PDE8A: variants seen among roughly 807,000 people sequenced by gnomAD.
The protein encoded by PDE8A is phosphodiesterase 8A.
Under a neutral mutation model 105.0 loss-of-function variants are expected in PDE8A, and 59 were observed. The observed-to-expected ratio is 0.56, with a 90% confidence interval of 0.46 to 0.70. The LOEUF (loss-of-function observed/expected upper bound fraction) is 0.70. PDE8A is among the 30% of genes least tolerant of loss of function. The pLI, the probability that PDE8A is intolerant of heterozygous loss-of-function variation, is 0.00. For synonymous variants in PDE8A, 355 were observed against 371.9 expected (o/e 0.95, Z 0.52); for missense variants, 1,014 against 1,045.9 (o/e 0.97, Z 0.42).
chr15:85,005,839 A>C (rs1023259771), intron 1 of PDE8A, among the ~76,000 whole-genome samples: 1 of 152,188 alleles, frequency 6.6e-6, no homozygotes, highest in African/African-American at 2.4e-5. Context: ...AGTTTAAAAA[A>C]AAAAGGAAAT....
intron 1 of PDE8A, among the ~76,000 whole-genome samples, chr15:85,030,299 G>GC (rs1348056883): frequency 6.6e-6 from 1 of 151,720 alleles, no homozygotes; most frequent in Non-Finnish European, 1.5e-5. Context: ...GTTGTGTCTT[G>GC]CCCCCGTAGC....
chr15:85,068,497 A>G (rs912356231), intron 3 of PDE8A, among the ~76,000 whole-genome samples: 2 of 152,074 alleles, frequency 1.3e-5, no homozygotes, highest in African/African-American at 4.8e-5. Flanking sequence ...TCTCTGGGTA[A>G]CTCTGCCTTC....
In PDE8A at chr15:85,083,484, AAG is replaced by A. The variant is rs1461478957; in HGVS notation, c.547-69_547-68del. On this transcript the variant is annotated intron_variant, in intron 5 of 21. Coordinates refer to ENST00000394553, the MANE Select transcript of PDE8A (RefSeq NM_002605.3). ...GTTGCCAAGTTGAGAAGTTTGTTTA[AAG>A]AGTTATTTTTATTGGCACAAATAAA... The A allele has an allele frequency of 1.2e-5, 10 of 869,262 alleles. No individual in the cohort carries two copies. In the African/African-American group the frequency reaches 1.7e-4, roughly 15 times the overall value. 53.8% of individuals were successfully genotyped at this position (869,262 alleles called of 1,614,324 possible).
intron 1 of PDE8A, among the ~76,000 whole-genome samples, chr15:85,055,547 C>T (rs2081046595): frequency 6.6e-6 from 1 of 152,136 alleles, no homozygotes; most frequent in Admixed American, 6.6e-5. Flanking sequence ...TTGAATTGAT[C>T]CCTTTACCAT....
Position 85,052,471 on chromosome 15 carries a change from C to A in PDE8A, c.187-11899C>A, listed in dbSNP as rs537038877. 7.2e-5 allele frequency among the ~76,000 whole-genome samples: 11 copies of A among 152,310 alleles called. No homozygotes were observed. The East Asian group carries it at 1.7e-3, about 24-fold the overall frequency. ...AAAAGTGTTCCTATTTCTCCACATC[C>A]TCTCCAGCGCCTGTTGTTTCCTGAC... On this transcript the variant is annotated intron_variant, in intron 1 of 21. Transcript: ENST00000394553.
At chr15:85,114,153 C>T in intron 14 of PDE8A, 116 bp downstream of exon 14, 1 of 859,356 alleles carries the variant, frequency 1.2e-6, no homozygotes, top group Middle Eastern at 2.6e-4. Context: ...AGGGTTCAGT[C>T]AAGACCTAAA....
chr15:85,020,669 C>G (rs1218568752), intron 1 of PDE8A, among the ~76,000 whole-genome samples: 1 of 151,800 alleles, frequency 6.6e-6, no homozygotes, highest in Non-Finnish European at 1.5e-5. Context: ...GAAAATTTAC[C>G]AAAAAAAGTA....
intron 1 of PDE8A, among the ~76,000 whole-genome samples, chr15:85,010,750 T>C (rs2080226238): frequency 6.6e-6 from 1 of 152,226 alleles, no homozygotes; most frequent in African/African-American, 2.4e-5. Flanking sequence ...TTGGAGCCCC[T>C]GTGAGGTTGC....
chr15:85,005,197 C>T (rs1162658644), intron 1 of PDE8A, among the ~76,000 whole-genome samples: 1 of 152,154 alleles, frequency 6.6e-6, no homozygotes, highest in Non-Finnish European at 1.5e-5. Flanking sequence ...ATGATCACAG[C>T]TTGAGCTCCT....
chr15:84,998,329 C>T (rs1055364186), intron 1 of PDE8A, among the ~76,000 whole-genome samples: 1 of 152,184 alleles, frequency 6.6e-6, no homozygotes, highest in Non-Finnish European at 1.5e-5. Flanking sequence ...CCAGTTACTT[C>T]ACTCCCTTTG....
At chr15:85,091,313 T>C (rs978973584) in intron 8 of PDE8A, 132 bp downstream of exon 8, 8 of 716,212 alleles carry the variant, frequency 1.1e-5, no homozygotes, top group African/African-American at 3.5e-5. Context: ...GGGAATGTTA[T>C]CCCTGTTATA....
chr15:84,982,428 G>C (rs1596403167), intron 1 of PDE8A, 80 bp downstream of exon 1: 1 of 932,964 alleles, frequency 1.1e-6, no homozygotes, highest in Non-Finnish European at 1.4e-6. Flanking sequence ...GGGCCGGGCG[G>C]GGTCCCCCCC....
intron 3 of PDE8A, among the ~76,000 whole-genome samples, chr15:85,069,123 G>A (rs370708160): frequency 2.0e-5 from 3 of 152,144 alleles, no homozygotes; most frequent in Admixed American, 6.5e-5. Context: ...GTAATGTTAC[G>A]TGCTCAGTTA....
chr15:85,103,670 C>T (rs954795538), intron 11 of PDE8A, among the ~76,000 whole-genome samples: 1 of 152,212 alleles, frequency 6.6e-6, no homozygotes, highest in African/African-American at 2.4e-5. Context: ...GAAGCAAGAA[C>T]CTGGGGAAGC....
In PDE8A at chr15:85,037,383, A is replaced by T. The variant is rs115632512; in HGVS notation, c.187-26987A>T. Among the ~76,000 whole-genome samples the T allele has an allele frequency of 2.6e-3, 389 of 152,222 alleles. 3 individuals carry two copies. Among genetic ancestry groups the T allele is most frequent in the African/African-American group, 9.2e-3 (382 of 41,532 alleles). On this transcript the variant is annotated intron_variant, in intron 1 of 21. Coordinates refer to ENST00000394553, the MANE Select transcript of PDE8A (RefSeq NM_002605.3). ...CCCAGCCTGATCACTTTCTTTTTGC[A>T]AATGTAACCATCCAGATTAAAAAAG...
chr15:85,064,318 G>A (rs1596482849), intron 1 of PDE8A, 52 bp from the exon 2 acceptor site: 2 of 1,360,026 alleles, frequency 1.5e-6, no homozygotes, highest in East Asian at 2.3e-5. Context: ...AAAAAGTTAA[G>A]CTTCTCTTTC....
chr15:84,991,243 G>T (rs1596411260), intron 1 of PDE8A, among the ~76,000 whole-genome samples: 1 of 152,260 alleles, frequency 6.6e-6, no homozygotes, highest in South Asian at 2.1e-4. Flanking sequence ...CATTTGCAAT[G>T]CATAGTACCA....
At chr15:85,011,903 T>C (rs1285953215) in intron 1 of PDE8A, among the ~76,000 whole-genome samples, 1 of 152,150 alleles carries the variant, frequency 6.6e-6, no homozygotes, top group African/African-American at 2.4e-5. Context: ...GAACAGACAC[T>C]TCTCAAATTA....
In PDE8A at chr15:85,011,274, A is replaced by G. The variant is rs560451345; in HGVS notation, c.186+28926A>G. Among the ~76,000 whole-genome samples the G allele has an allele frequency of 2.0e-5, 3 of 152,276 alleles. No individual in the cohort carries two copies. In the East Asian group the frequency reaches 5.8e-4, roughly 29 times the overall value. On this transcript the variant is annotated intron_variant, in intron 1 of 21. Coordinates refer to ENST00000394553, the MANE Select transcript of PDE8A (RefSeq NM_002605.3). ...GACGAATTGAAGATGAGACATTTAC[A>G]TTACACTTTATTTGCTGGATGATTT...
Sources: allele counts gnomAD v4.1 joint callset (sites outside exome capture counted in the v4.1 genomes callset), GRCh38; gene constraint gnomAD v4.1.1; transcripts MANE v1.5; gene names NCBI Gene and HGNC (gene_info 2026-07-23, HGNC 2026-07-21).